Variants in ANO3 observed in about 807,000 individuals in gnomAD.
The protein encoded by ANO3 is anoctamin-3.
A neutral mutation model predicts 144.8 loss-of-function variants in ANO3; 99 were observed. The observed-to-expected ratio is 0.68, with a 90% CI of 0.58 to 0.81. The LOEUF (loss-of-function observed/expected upper bound fraction) is 0.81. Among genes scored for constraint, ANO3 ranks in the 30% least tolerant of loss-of-function variants. The probability of loss-of-function intolerance (pLI) is 0.00; values close to 1 mark genes in which losing one functional copy is unlikely to be tolerated. For synonymous variants in ANO3, 414 were observed against 392.6 expected, an observed-to-expected ratio of 1.05 and a Z score of -0.64; for missense variants, 905 against 1,202.2, an observed-to-expected ratio of 0.75 and a Z score of 3.66.
At chr11:26,338,597 G>T (rs1260095898) in intron 1 of ANO3, among the ~76,000 whole-genome samples, 1 of 152,148 alleles carries the variant, frequency 6.6e-6, no homozygotes, top group African/African-American at 2.4e-5. Context: ...AATAAATCTT[G>T]CTGCTGCTCA....
intron 1 of ANO3, among the ~76,000 whole-genome samples, chr11:26,301,718 G>A (rs1050215981): frequency 5.3e-5 from 8 of 152,100 alleles, no homozygotes; most frequent in African/African-American, 1.9e-4. Context: ...ACCTACAGTT[G>A]CAAAAACCCT....
intron 1 of ANO3, among the ~76,000 whole-genome samples, chr11:26,261,799 G>A (rs1450081249): frequency 6.6e-6 from 1 of 152,180 alleles, no homozygotes; most frequent in Non-Finnish European, 1.5e-5. Context: ...TGTAAAAGGA[G>A]GTGAAAGCAT....
At chr11:26,414,739 C>T (rs1399040150) in intron 1 of ANO3, among the ~76,000 whole-genome samples, 1 of 120,160 alleles carries the variant, frequency 8.3e-6, no homozygotes, top group Non-Finnish European at 1.7e-5. Context: ...CACATGTATA[C>T]AGGAACTTAC....
chr11:26,395,449 T>A (rs1856986612), intron 1 of ANO3, among the ~76,000 whole-genome samples: 1 of 152,168 alleles, frequency 6.6e-6, no homozygotes, highest in African/African-American at 2.4e-5. Context: ...CTCTCTTATT[T>A]CCTTGAGCAG....
intron 17 of ANO3, among the ~76,000 whole-genome samples, chr11:26,623,705 G>A (rs34651170): frequency 0.12 from 17,982 of 151,816 alleles, 1,291 homozygotes; most frequent in African/African-American, 0.2. Context: ...CAGTAGGGCA[G>A]AATTCAAACT....
At chr11:26,536,537 G>T (rs1015712703) in intron 9 of ANO3, among the ~76,000 whole-genome samples, 1 of 151,596 alleles carries the variant, frequency 6.6e-6, no homozygotes, top group African/African-American at 2.4e-5. Flanking sequence ...TTATATATAT[G>T]TATATAAATT....
At position 26,595,466 on chromosome 11, in the gene ANO3, T is replaced by G. The variant is rs1367130486; in HGVS notation, c.1448-2899T>G. Among the ~76,000 whole-genome samples the G allele has an allele frequency of 4.9e-5, 7 of 143,870 alleles. No individual in the cohort carries two copies. In the East Asian group the frequency reaches 1.2e-3, roughly 25 times the overall value. The allele number at this position is 143,870 out of a possible 152,430, so 94.4% of individuals were successfully genotyped here. On this transcript the variant is annotated intron_variant, in intron 14 of 26. Coordinates refer to ENST00000256737, the MANE Select transcript of ANO3 (RefSeq NM_031418.4). ...TCAGTATTGAGATAGAGTTGTTTTT[T>G]TTTTTTTTTTTTTTTTTTTTTATTC...
intron 14 of ANO3, among the ~76,000 whole-genome samples, chr11:26,579,747 CAGTTAA>C (rs1851081301): frequency 6.6e-6 from 1 of 151,896 alleles, no homozygotes; most frequent in Non-Finnish European, 1.5e-5. Context: ...GAAAAAGATC[CAGTTAA>C]AGTTGTTATG....
intron 1 of ANO3, among the ~76,000 whole-genome samples, chr11:26,253,305 G>A (rs1852977451): frequency 6.6e-6 from 1 of 152,162 alleles, no homozygotes; most frequent in Admixed American, 6.5e-5. Context: ...CACAGGAGCA[G>A]AAAATCGAAT....
chr11:26,621,900 A>G (rs1852426834), intron 17 of ANO3, among the ~76,000 whole-genome samples: 1 of 152,060 alleles, frequency 6.6e-6, no homozygotes. Flanking sequence ...GTTATCCCTG[A>G]CGCCCTTTAT....
At chr11:26,293,086 G>A (rs1853997171) in intron 1 of ANO3, among the ~76,000 whole-genome samples, 2 of 152,046 alleles carry the variant, frequency 1.3e-5, no homozygotes, top group Admixed American at 1.3e-4. Context: ...ATAAATTTGG[G>A]TCAGCTTCAC....
intron 1 of ANO3, among the ~76,000 whole-genome samples, chr11:26,211,243 G>T (rs929153725): frequency 2.0e-5 from 3 of 152,062 alleles, no homozygotes; most frequent in Non-Finnish European, 4.4e-5. Flanking sequence ...TGAACAACAT[G>T]CTCCTGAACA....
At chr11:26,204,794 A>G (rs965240761) in intron 1 of ANO3, among the ~76,000 whole-genome samples, 8 of 152,144 alleles carry the variant, frequency 5.3e-5, no homozygotes, top group Non-Finnish European at 8.8e-5. Context: ...AAGCTGCAAG[A>G]TGTGCTAAGG....
At chr11:26,240,764 C>T (rs897131638) in intron 1 of ANO3, among the ~76,000 whole-genome samples, 1 of 152,134 alleles carries the variant, frequency 6.6e-6, no homozygotes, top group Admixed American at 6.5e-5. Flanking sequence ...CAGGAATTCG[C>T]CCACACTTAC....
chr11:26,493,841 C>A (rs1430297917), intron 4 of ANO3, among the ~76,000 whole-genome samples: 2 of 152,170 alleles, frequency 1.3e-5, no homozygotes, highest in Non-Finnish European at 2.9e-5. Flanking sequence ...CCACCTGACA[C>A]CCTCTGAGGA....
chr11:26,238,439 G>T (rs543597952), intron 1 of ANO3, among the ~76,000 whole-genome samples: 17 of 152,144 alleles, frequency 1.1e-4, no homozygotes, highest in Non-Finnish European at 2.5e-4. Context: ...AAAAGGTTAG[G>T]AGGTAATCTG....
At chr11:26,349,325 T>A (rs762746939) in intron 1 of ANO3, among the ~76,000 whole-genome samples, 4 of 152,136 alleles carry the variant, frequency 2.6e-5, no homozygotes, top group Non-Finnish European at 5.9e-5. Context: ...AACAGGTAAT[T>A]TAAAGTTGTT....
chr11:26,306,617 T>C (rs1854389484), upstream of ANO3, among the ~76,000 whole-genome samples: 2 of 152,114 alleles, frequency 1.3e-5, no homozygotes, highest in Non-Finnish European at 1.5e-5. Context: ...TGAGCCCTGA[T>C]TGTGCCACCA....
chr11:26,476,527 G>A (rs1035231579), intron 4 of ANO3, among the ~76,000 whole-genome samples: 8 of 152,064 alleles, frequency 5.3e-5, no homozygotes, highest in Non-Finnish European at 4.4e-5. Flanking sequence ...AGAGGTGAGA[G>A]AGAGGTGAGC....
Sources: allele counts gnomAD v4.1 joint callset (sites outside exome capture counted in the v4.1 genomes callset), GRCh38; gene constraint gnomAD v4.1.1; transcripts MANE v1.5; gene names NCBI Gene and HGNC (gene_info 2026-07-23, HGNC 2026-07-21).